Variants in SFTPB observed in about 807,000 individuals in gnomAD.
SFTPB encodes surfactant protein B.
SFTPB carries 32 observed loss-of-function variants against 51.0 expected under a neutral mutation model. The ratio of observed to expected loss-of-function variants is 0.63; its 90% confidence interval spans 0.47 to 0.84. SFTPB has a LOEUF of 0.84. Among genes scored for constraint, SFTPB ranks in the 40% least tolerant of loss-of-function variants. SFTPB has a pLI of 0.00. For missense variants in SFTPB, 431 were observed against 491.2 expected (o/e 0.88, Z 1.16); for synonymous variants, 211 against 208.5 (o/e 1.01, Z -0.10).
chr2:85,657,420 T>C lies in SFTPB; in HGVS notation c.*2282A>G, dbSNP rs1677106720. The C allele has an allele frequency of 6.6e-6, 1 of 152,226 alleles. No homozygotes were observed. Among genetic ancestry groups the C allele is most frequent in the Non-Finnish European group, 1.5e-5 (1 of 68,030 alleles). 9.4% of individuals were successfully genotyped at this position (152,226 alleles called of 1,614,324 possible). ...AAACAATGGCTTTAAGGACAGTAGT[T>C]AGCTATAGATTTACAAATGTCTACT... On this transcript the variant is annotated 3_prime_UTR_variant, in exon 11 of 11. Transcript: ENST00000519937.
At chr2:85,662,335 G>A in intron 8 of SFTPB, 2 of 1,380,380 alleles carry the variant, frequency 1.4e-6, no homozygotes, top group South Asian at 3.1e-5. Flanking sequence ...GGAGGACTCA[G>A]GCAGAGGGGT....
chr2:85,663,241 C>T (rs1677398840), intron 8 of SFTPB, 105 bp downstream of exon 8: 2 of 1,464,186 alleles, frequency 1.4e-6, no homozygotes, highest in Non-Finnish European at 1.9e-6. Flanking sequence ...GTCTGTGCTC[C>T]ATTCTGGCCC....
chr2:85,665,638 C>G lies in SFTPB; in HGVS notation c.550G>C (p.Ala184Pro), dbSNP rs778119902. 15 of 1,613,892 alleles carry G rather than the reference C, an allele frequency of 9.3e-6. No individual in the cohort carries two copies. The highest frequency in any genetic ancestry group is 6.7e-5 in the Admixed American group (4 of 60,014). Reference protein sequence around the residue: ...DKLVLPVLPGALQARPGPHTQ... With the variant: ...DKLVLPVLPGPLQARPGPHTQ... The stretch of plus-strand genomic sequence containing the variant: ...TGAGGCCCAGGCCTCGCCTGGAGGG[C>G]CCCGGGCAGCACAGGGAGGACGAGC... Residue 184 changes from alanine (A) to proline (P), a missense_variant, in exon 5 of 11, where the codon GCC becomes CCC. Transcript: ENST00000519937.
chr2:85,667,115 G>C lies in SFTPB; in HGVS notation c.258C>G (p.Ala86=). The C allele has an allele frequency of 6.2e-7, 1 of 1,612,356 alleles. No homozygotes were observed. The part of the protein sequence containing the change: ...VHILNKMAKE[A]IFQDTMRKFL... The stretch of plus-strand genomic sequence containing the variant: ...ATCTGGGCATCATTACCTGGAAAAT[G>C]GCCTCCTTGGCCATCTTGTTAAGGA... The change falls in exon 3 of 11, where the codon GCC becomes GCG. Residue 86 remains alanine, a synonymous_variant. Coordinates refer to ENST00000519937, the MANE Select transcript of SFTPB (RefSeq NM_000542.5).
At position 85,665,695 on chromosome 2, in the gene SFTPB, G is replaced by A. The variant is rs370715446; in HGVS notation, c.493C>T (p.Arg165Trp). The change falls in exon 5 of 11, where the codon CGG becomes TGG. Residue 165 changes from arginine (R) to tryptophan (W), a missense_variant. Arg to Trp is a moderately radical substitution (Grantham distance 101). Transcript: ENST00000519937. ...AGCAGAGGGTCTGGCAGAGGGTCCCGCAGAGGTTTGGGCAGGGGGTCTGAC... is the reference window on the plus strand; with the variant it reads ...AGCAGAGGGTCTGGCAGAGGGTCCCACAGAGGTTTGGGCAGGGGGTCTGAC... Reference protein sequence around the residue: ...GMSDPLPKPLRDPLPDPLLDK... With the variant: ...GMSDPLPKPLWDPLPDPLLDK... 1.2e-5 allele frequency: 20 copies of A among 1,614,236 alleles called. No individual in the cohort carries two copies. The East Asian group carries it at 1.6e-4, about 13-fold the overall frequency.
Position 85,665,192 on chromosome 2 carries a change from G to A in SFTPB, c.672+97C>T. 28 of 961,722 alleles carry A rather than the reference G, an allele frequency of 2.9e-5. No individual in the cohort carries two copies. In the South Asian group the frequency reaches 3.6e-4, roughly 12 times the overall value. 59.6% of individuals were successfully genotyped at this position (961,722 alleles called of 1,614,324 possible). A position where few individuals can be genotyped will look rare whatever the true frequency, so the allele number is the denominator to read the frequency against. ...CTCCTAACTTCTGGCAGCCAGCTGG[G>A]TCCTGACGGGGGTGTGAGTTGGGAG... On this transcript the variant is annotated intron_variant, in intron 6 of 10. Transcript: ENST00000519937.
At position 85,667,949 on chromosome 2, in the gene SFTPB, T is replaced by A. The variant is rs34197986; in HGVS notation, c.68-143A>T. ...ACGTCAGACAGCTCTGGGTTCCACC[T>A]GCTCCTGGACCCGCCAGCTGTGTGA... On this transcript the variant is annotated intron_variant, in intron 1 of 10. Transcript: ENST00000519937. 4.5e-4 allele frequency: 591 copies of A among 1,321,968 alleles called. 2 individuals carry two copies. The highest frequency in any genetic ancestry group is 3.9e-4 in the Non-Finnish European group (372 of 946,468). 81.9% of individuals were successfully genotyped at this position (1,321,968 alleles called of 1,614,324 possible).
intron 10 of SFTPB, 150 bp from the exon 11 acceptor site, chr2:85,659,832 A>T (rs1029468670): frequency 6.6e-6 from 1 of 152,490 alleles, no homozygotes; most frequent in Non-Finnish European, 1.5e-5. Flanking sequence ...GAGCCCTAGG[A>T]GCTGGGGAAA....
chr2:85,666,483 G>A (rs1364390968), intron 4 of SFTPB, 134 bp downstream of exon 4: 40 of 857,488 alleles, frequency 4.7e-5, no homozygotes, highest in East Asian at 3.0e-4. Flanking sequence ...GTGTCTGGCC[G>A]GCTTGGGTGC....
At chr2:85,666,577 G>A (rs1473054142) in intron 4 of SFTPB, 40 bp downstream of exon 4, 16 of 1,610,328 alleles carry the variant, frequency 9.9e-6, no homozygotes, top group Non-Finnish European at 1.3e-5. Flanking sequence ...ACAGGGGCCT[G>A]CGTGGGGAGG....
At chr2:85,665,050 C>T (rs536165022) in intron 6 of SFTPB, among the ~76,000 whole-genome samples, 1 of 152,316 alleles carries the variant, frequency 6.6e-6, no homozygotes, top group African/African-American at 2.4e-5. Context: ...GGCGTGGCAC[C>T]TCCATACAGT....
chr2:85,663,560 C>T, intron 7 of SFTPB, 69 bp from the exon 8 acceptor site: 1 of 1,600,762 alleles, frequency 6.2e-7, no homozygotes, highest in Non-Finnish European at 8.5e-7. Flanking sequence ...TTCTGTCCTC[C>T]TTGGTGCATT....
intron 6 of SFTPB, among the ~76,000 whole-genome samples, chr2:85,664,438 C>T (rs1028625691): frequency 6.6e-6 from 1 of 152,150 alleles, no homozygotes; most frequent in African/African-American, 2.4e-5. Context: ...CCCATCACCT[C>T]TCACTGCAAT....
Position 85,658,559 on chromosome 2 carries a change from A to G in SFTPB, c.*1143T>C, listed in dbSNP as rs1471454449. On this transcript the variant is annotated 3_prime_UTR_variant, in exon 11 of 11. Coordinates refer to ENST00000519937, the MANE Select transcript of SFTPB (RefSeq NM_000542.5). ...TGCTCTGTCACCCAGGCTGGAGTGCAGTGGTGCAATCTCGGCTCACTGCAA... is the reference window on the plus strand; with the variant it reads ...TGCTCTGTCACCCAGGCTGGAGTGCGGTGGTGCAATCTCGGCTCACTGCAA... The G allele has an allele frequency of 6.6e-6, 1 of 152,242 alleles. No individual in the cohort carries two copies. The highest frequency in any genetic ancestry group is 1.5e-5 in the Non-Finnish European group (1 of 68,096). 9.4% of individuals were successfully genotyped at this position (152,242 alleles called of 1,614,324 possible). A position where few individuals can be genotyped will look rare whatever the true frequency, so the allele number is the denominator to read the frequency against.
intron 9 of SFTPB, 142 bp downstream of exon 9, chr2:85,661,883 AGAGG>A: frequency 1.4e-6 from 1 of 703,646 alleles, no homozygotes; most frequent in Non-Finnish European, 2.4e-6. Flanking sequence ...ACTGAAACAG[AGAGG>A]GGTGCCTCCC....
Position 85,663,779 on chromosome 2 carries a change from C to G in SFTPB, c.741G>C (p.Gln247His), listed in dbSNP as rs727503418. ...TGACGGAGTAGCGCTCAGCCAGGCA[C>G]TGGCAGATGCCGCCCGCCACCAGAG... ...VVPLVAGGIC[Q>H]CLAERYSVIL... Residue 247 changes from glutamine to histidine, a missense_variant, in exon 7 of 11, where the codon CAG becomes CAC. By Grantham distance (24) the Gln-to-His change is conservative (BLOSUM62 0). Coordinates refer to ENST00000519937, the MANE Select transcript of SFTPB (RefSeq NM_000542.5). 6.2e-7 allele frequency: 1 copy of G among 1,604,894 alleles called. No homozygotes were observed. The highest frequency in any genetic ancestry group is 2.3e-5 in the East Asian group (1 of 44,414).
chr2:85,661,195 G>A (rs557535249), intron 10 of SFTPB: 12 of 398,760 alleles, frequency 3.0e-5, no homozygotes, highest in Middle Eastern at 8.3e-4. Context: ...AGGGCAGGGC[G>A]GGGGGTTGGG....
chr2:85,663,749 C>A lies in SFTPB; in HGVS notation c.771G>T (p.Leu257=). 6.2e-7 allele frequency: 1 copy of A among 1,610,272 alleles called. No individual in the cohort carries two copies. The highest frequency in any genetic ancestry group is 8.5e-7 in the Non-Finnish European group (1 of 1,178,654). ...GCATGCGGCCCAGCAGCGTGTCGAG[C>A]AGGATGACGGAGTAGCGCTCAGCCA... ...QCLAERYSVI[L]LDTLLGRMLP... Residue 257 remains leucine, a synonymous_variant, in exon 7 of 11, where the codon CTG becomes CTT. Transcript: ENST00000519937.
Position 85,667,387 on chromosome 2 carries a change from T to TCATCC in SFTPB, c.196-215_196-211dup, listed in dbSNP as rs200401655. Among the ~76,000 whole-genome samples the TCATCC allele has an allele frequency of 7.0e-3, 1,063 of 151,676 alleles. 12 individuals are homozygous for TCATCC. Among genetic ancestry groups the TCATCC allele is most frequent in the African/African-American group, 0.023 (926 of 41,124 alleles). ...CCAATCCATCCATCTTTATTCTGTG[T>TCATCC]CATCCCATCCCATCCCATCCCATCC... On this transcript the variant is annotated intron_variant, in intron 2 of 10. Transcript: ENST00000519937.
Sources: gnomAD v4.1 joint callset for allele counts (sites outside exome capture counted in the v4.1 genomes callset) on GRCh38, gnomAD v4.1.1 for gene constraint, MANE v1.5 for transcripts, NCBI Gene and HGNC (gene_info 2026-07-23, HGNC 2026-07-21) for gene names.